Variants in VEZT observed in about 807,000 individuals in gnomAD.
VEZT encodes the protein vezatin, adherens junctions transmembrane protein.
VEZT carries 39 observed loss-of-function variants against 79.9 expected under a neutral mutation model. The ratio of observed to expected loss-of-function variants is 0.49; its 90% CI spans 0.38 to 0.64. The LOEUF is 0.64. Ranked by LOEUF, VEZT falls within the 30% of genes least tolerant of loss-of-function variation. VEZT has a pLI of 0.00. For missense variants in VEZT, 837 were observed against 893.1 expected (o/e 0.94, Z 0.80); for synonymous variants, 325 against 327.6 (o/e 0.99, Z 0.09).
At position 95,240,852 on chromosome 12, in the gene VEZT, A is replaced by G. The variant is rs147534399; in HGVS notation, c.37-11088A>G. On this transcript the variant is annotated intron_variant, in intron 1 of 11. Coordinates refer to ENST00000436874, the MANE Select transcript of VEZT (RefSeq NM_017599.4). The stretch of plus-strand genomic sequence containing the variant: ...TACATATTTTTTTGTGATTTTTTCA[A>G]TCTTTGATTCCTTATACTCAAAAAC... 5.9e-3 allele frequency among the ~76,000 whole-genome samples: 903 copies of G among 152,116 alleles called. 12 individuals carry two copies. The highest frequency in any genetic ancestry group is 0.021 in the African/African-American group (853 of 41,494).
At chr12:95,262,870 G>A (rs769798811) in intron 3 of VEZT, 36 bp from the exon 4 acceptor site, 2 of 1,512,264 alleles carry the variant, frequency 1.3e-6, no homozygotes, top group Non-Finnish European at 1.8e-6. Context: ...TATTATATAT[G>A]TGTTAATACC....
In VEZT at chr12:95,287,698, G is replaced by A; in HGVS notation, c.1363G>A (p.Val455Ile). The change falls in exon 9 of 12, where the codon GTT (valine) becomes ATT (isoleucine). Residue 455 changes from valine (V) to isoleucine (I), a missense_variant. Transcript: ENST00000436874. Reference sequence around the variant, plus strand: ...TCTTGAAGATGAACTTGAAAAGCTTGTTTGTACTAAAGAAACACAAGAACT... The same window carrying A: ...TCTTGAAGATGAACTTGAAAAGCTTATTTGTACTAAAGAAACACAAGAACT... ...IILEDELEKL[V>I]CTKETQELVS... is the part of the protein sequence containing the mutation. 1 of 1,585,438 alleles carries A rather than the reference G, an allele frequency of 6.3e-7. No homozygotes were observed. Among genetic ancestry groups the A allele is most frequent in the Non-Finnish European group, 8.6e-7 (1 of 1,164,566 alleles).
chr12:95,225,345 G>A (rs2058266106), intron 1 of VEZT, among the ~76,000 whole-genome samples: 1 of 152,096 alleles, frequency 6.6e-6, no homozygotes, highest in Non-Finnish European at 1.5e-5. Context: ...ACCAGGTCAG[G>A]AGATTGAGAC....
intron 1 of VEZT, among the ~76,000 whole-genome samples, chr12:95,232,859 G>A (rs1593121119): frequency 6.6e-6 from 1 of 152,108 alleles, no homozygotes; most frequent in Admixed American, 6.5e-5. Flanking sequence ...AGGCTGGAGT[G>A]CAGTGACGCA....
At chr12:95,284,373 A>C (rs1213817513) in intron 8 of VEZT, among the ~76,000 whole-genome samples, 2 of 151,960 alleles carry the variant, frequency 1.3e-5, no homozygotes, top group Non-Finnish European at 2.9e-5. Flanking sequence ...TCCCACTCTC[A>C]GTGCCTCATG....
rs376004510 is a variant in VEZT at position 95,296,164 on chromosome 12, C to T, written c.1737C>T (p.Ser579=). The change falls in exon 11 of 12, where the codon TCC becomes TCT. Residue 579 remains serine, a synonymous_variant. Transcript: ENST00000436874. ...KERQKREHEE[S]KRVLQELKSV... ...GACAGAAGCGTGAGCATGAAGAATC[C>T]AAGAGGGTGCTCCAAGAATTAAAAT... The T allele has an allele frequency of 9.5e-6, 15 of 1,577,968 alleles. No homozygotes were observed. In the African/African-American group the frequency reaches 2.0e-4, roughly 21 times the overall value.
chr12:95,240,741 A>C (rs190510652), intron 1 of VEZT, among the ~76,000 whole-genome samples: 1 of 152,286 alleles, frequency 6.6e-6, no homozygotes, highest in Admixed American at 6.5e-5. Context: ...TCATGGAAAA[A>C]CAGCTAATTT....
Position 95,266,463 on chromosome 12 carries a change from G to C in VEZT, c.541G>C (p.Val181Leu). 6.2e-7 allele frequency: 1 copy of C among 1,613,808 alleles called. No homozygotes were observed. Among genetic ancestry groups the C allele is most frequent in the Non-Finnish European group, 8.5e-7 (1 of 1,179,864 alleles). Reference protein sequence around the residue: ...VWGVILFVYLVIRALRLWRTA... With the variant: ...VWGVILFVYLLIRALRLWRTA... ...GGGAGTGATTCTATTTGTGTATCTG[G>C]TCATAAGAGCTTTGAGATTATGGAG... Residue 181 changes from valine to leucine, a missense_variant, in exon 5 of 12, where the codon GTC becomes CTC. Physicochemically the swap from Val to Leu is conservative, Grantham distance 32 (BLOSUM62 1). Coordinates refer to ENST00000436874, the MANE Select transcript of VEZT (RefSeq NM_017599.4).
chr12:95,247,103 A>T (rs1170250106), intron 1 of VEZT, among the ~76,000 whole-genome samples: 1 of 152,210 alleles, frequency 6.6e-6, no homozygotes, highest in Non-Finnish European at 1.5e-5. Flanking sequence ...ATGTTGAGTG[A>T]TCAGGTTTTA....
At chr12:95,222,066 A>G (rs1463091166) in intron 1 of VEZT, among the ~76,000 whole-genome samples, 1 of 152,114 alleles carries the variant, frequency 6.6e-6, no homozygotes, top group African/African-American at 2.4e-5. Flanking sequence ...CCTGTGACCA[A>G]TTCCCCATGA....
At chr12:95,257,098 C>A in intron 2 of VEZT, 52 bp from the exon 3 acceptor site, 1 of 1,418,854 alleles carries the variant, frequency 7.0e-7, no homozygotes, top group Non-Finnish European at 9.6e-7. Flanking sequence ...AGTTTTTCTG[C>A]TGTTTGGGTA....
At chr12:95,219,553 T>G (rs2057252147) in intron 1 of VEZT, among the ~76,000 whole-genome samples, 1 of 152,230 alleles carries the variant, frequency 6.6e-6, no homozygotes, top group South Asian at 2.1e-4. Context: ...AACATTAATA[T>G]TATAATATCC....
chr12:95,231,023 AG>A (rs2059205402), intron 1 of VEZT, among the ~76,000 whole-genome samples: 1 of 152,202 alleles, frequency 6.6e-6, no homozygotes, highest in Non-Finnish European at 1.5e-5. Flanking sequence ...TTTTGGACGT[AG>A]GTAGTATTGC....
intron 3 of VEZT, among the ~76,000 whole-genome samples, chr12:95,259,744 G>A (rs151185804): frequency 0.025 from 3,775 of 152,322 alleles, 82 homozygotes; most frequent in Non-Finnish European, 0.038. Context: ...TTGAGACCTG[G>A]ATCTGGGCTT....
chr12:95,229,877 G>T (rs184485923), intron 1 of VEZT, among the ~76,000 whole-genome samples: 1 of 152,212 alleles, frequency 6.6e-6, no homozygotes, highest in Admixed American at 6.5e-5. Context: ...ATCGCCTGGG[G>T]TCAGGAGTTC....
At chr12:95,270,226 T>G (rs776410275) in intron 6 of VEZT, 38 bp downstream of exon 6, 3 of 1,548,164 alleles carry the variant, frequency 1.9e-6, no homozygotes, top group Non-Finnish European at 2.6e-6. Flanking sequence ...TAAGCAATGT[T>G]TCTGGAGTCC....
At chr12:95,285,900 A>G (rs963173216) in intron 8 of VEZT, among the ~76,000 whole-genome samples, 1 of 152,042 alleles carries the variant, frequency 6.6e-6, no homozygotes, top group African/African-American at 2.4e-5. Flanking sequence ...CAAAATGAGC[A>G]TATAAAACTT....
intron 1 of VEZT, among the ~76,000 whole-genome samples, chr12:95,223,942 AG>A (rs1387309432): frequency 6.6e-6 from 1 of 152,148 alleles, no homozygotes; most frequent in Non-Finnish European, 1.5e-5. Context: ...ATAACTTGTA[AG>A]GCTATAAATT....
intron 1 of VEZT, among the ~76,000 whole-genome samples, chr12:95,234,466 A>G (rs2059724480): frequency 6.6e-6 from 1 of 150,954 alleles, no homozygotes; most frequent in South Asian, 2.1e-4. Flanking sequence ...ATTTTTTTGT[A>G]TTTTTTTAGT....
Sources: gnomAD v4.1 joint callset for allele counts (sites outside exome capture counted in the v4.1 genomes callset) on GRCh38, gnomAD v4.1.1 for gene constraint, MANE v1.5 for transcripts, NCBI Gene and HGNC (gene_info 2026-07-23, HGNC 2026-07-21) for gene names.